TBC1D24: variants seen among roughly 807,000 people sequenced by gnomAD.
TBC1D24 encodes Infantile myoclonic epilepsy.
In TBC1D24, 47 loss-of-function variants were observed where a neutral mutation model predicts 50.7. That is an observed-to-expected ratio of 0.93 (90% confidence interval 0.73 to 1.18). The LOEUF is 1.18. Ranked by LOEUF, TBC1D24 falls within the 50% of genes most tolerant of loss-of-function variation. The pLI is 0.00. For missense variants in TBC1D24, 688 were observed against 766.5 expected (o/e 0.90, Z 1.21); for synonymous variants, 324 against 335.2 (o/e 0.97, Z 0.36).
intron 1 of TBC1D24, among the ~76,000 whole-genome samples, chr16:2,492,877 G>C (rs527530170): frequency 6.6e-6 from 1 of 152,186 alleles, no homozygotes; most frequent in East Asian, 2.0e-4. Context: ...CGGATCACCT[G>C]AGGTCGGGAG....
rs1223213353 is a variant in TBC1D24 at position 2,485,803 on chromosome 16, C to T, written c.-115-10231C>T. Among the ~76,000 whole-genome samples the T allele has an allele frequency of 6.6e-6, 1 of 152,198 alleles. No homozygotes were observed. The highest frequency in any genetic ancestry group is 6.5e-5 in the Admixed American group (1 of 15,282). On this transcript the variant is annotated intron_variant, in intron 1 of 7. Coordinates refer to ENST00000646147, the MANE Select transcript of TBC1D24 (RefSeq NM_001199107.2). The surrounding 1 kb of genome is among the most constrained non-coding windows in gnomAD (Gnocchi z 4.6). ...TGGGTCGCAGATCCTGTGCCGATTG[C>T]GGTGCTGGCGTCAGAGCAGAGGAAA...
Position 2,483,339 on chromosome 16 carries a change from C to G in TBC1D24, c.-116+8169C>G, listed in dbSNP as rs2065624007. The G allele has an allele frequency of 2.0e-5, 3 of 152,268 alleles. No individual in the cohort carries two copies. Among genetic ancestry groups the G allele is most frequent in the African/African-American group, 7.2e-5 (3 of 41,438 alleles). 9.4% of individuals were successfully genotyped at this position (152,268 alleles called of 1,614,324 possible). On this transcript the variant is annotated intron_variant, in intron 1 of 7. Transcript: ENST00000646147. This position sits in a 1 kb window ranked among gnomAD's most constrained non-coding sequence, Gnocchi z 4.0. ...CTCGGCCGTTCTCGTGCCTCGGGCT[C>G]ACTTCCTCGTGCAGTTTATCCATAT...
Position 2,500,283 on chromosome 16 carries a change from C to T in TBC1D24, c.1318C>T (p.Gln440Ter). 1 of 1,606,942 alleles carries T rather than the reference C, an allele frequency of 6.2e-7. No individual in the cohort carries two copies. Among genetic ancestry groups the T allele is most frequent in the South Asian group, 1.1e-5 (1 of 89,590 alleles). The change falls in exon 7 of 8, where the codon CAG (glutamine) becomes TAG (stop). Residue 440 changes from glutamine (Q) to a stop codon, truncating the protein, a stop_gained. Transcript: ENST00000646147. LOFTEE classifies it high-confidence loss of function. The surrounding 1 kb of genome is among the most constrained non-coding windows in gnomAD (Gnocchi z 8.0). Reference sequence around the variant, plus strand: ...TCCACCCCAGCTGCAGCCTGAGGTGCAGCGCTACGAGTGGGTGGTGATCAA... The same window carrying T: ...TCCACCCCAGCTGCAGCCTGAGGTGTAGCGCTACGAGTGGGTGGTGATCAA... ...CFVFRLQPEVQRYEWVVIKHP... is the reference protein window; with the variant it reads ...CFVFRLQPEV
chr16:2,487,461 A>G lies in TBC1D24; in HGVS notation c.-115-8573A>G, dbSNP rs1037096697. On this transcript the variant is annotated intron_variant, in intron 1 of 7. Transcript: ENST00000646147. The surrounding 1 kb of genome is among the most constrained non-coding windows in gnomAD (Gnocchi z 4.1). ...TGTTGGCCGTGTTAAAATGTCATCA[A>G]TGAGGCTAAATGTGTGTTCTGTCTT... is the stretch of plus-strand genomic sequence containing the variant. Among the ~76,000 whole-genome samples, 2 of 152,226 alleles carry G rather than the reference A, an allele frequency of 1.3e-5. No individual in the cohort carries two copies. Among genetic ancestry groups the G allele is most frequent in the African/African-American group, 2.4e-5 (1 of 41,454 alleles).
intron 1 of TBC1D24, among the ~76,000 whole-genome samples, chr16:2,488,493 CTTTTTTTTT>C (rs34983305): frequency 9.9e-6 from 1 of 100,722 alleles, no homozygotes; most frequent in Non-Finnish European, 2.0e-5. Flanking sequence ...TCGCACATAG[CTTTTTTTTT>C]TTTTTTTTTT....
At position 2,497,216 on chromosome 16, in the gene TBC1D24, C is replaced by T. The variant is rs576147085; in HGVS notation, c.965+103C>T. The stretch of plus-strand genomic sequence containing the variant: ...TGCCGGCCTCCAGGCGGCCTCTGCC[C>T]ATGGTCCACCCAGCCATCTGTGCAT... On this transcript the variant is annotated intron_variant, in intron 2 of 7. Transcript: ENST00000646147. 1.5e-4 allele frequency: 227 copies of T among 1,470,020 alleles called. 4 individuals are homozygous for T. The South Asian group carries it at 2.4e-3, about 15-fold the overall frequency. The allele number at this position is 1,470,020 out of a possible 1,614,324, so 91.1% of individuals were successfully genotyped here.
In TBC1D24 at chr16:2,482,355, G is replaced by A. The variant is rs1205701370; in HGVS notation, c.-116+7185G>A. 6.6e-6 allele frequency among the ~76,000 whole-genome samples: 1 copy of A among 152,200 alleles called. No individual in the cohort carries two copies. Among genetic ancestry groups the A allele is most frequent in the Non-Finnish European group, 1.5e-5 (1 of 68,048 alleles). On this transcript the variant is annotated intron_variant, in intron 1 of 7. Transcript: ENST00000646147. The surrounding 1 kb of genome is among the most constrained non-coding windows in gnomAD (Gnocchi z 5.2). ...GCAAGGGTGAGGACAGATGTGGACA[G>A]GAGGCGTGGAGCTCTGTGACGCCTT...
rs1483630947 is a variant in TBC1D24 at position 2,505,604 on chromosome 16, T to A, written c.*4646T>A. 6.6e-6 allele frequency: 1 copy of A among 152,202 alleles called. No homozygotes were observed. Among genetic ancestry groups the A allele is most frequent in the Non-Finnish European group, 1.5e-5 (1 of 68,030 alleles). The allele number at this position is 152,202 out of a possible 1,614,324, so 9.4% of individuals were successfully genotyped here. A position where few individuals can be genotyped will look rare whatever the true frequency, so the allele number is the denominator to read the frequency against. On this transcript the variant is annotated 3_prime_UTR_variant, in exon 8 of 8. Coordinates refer to ENST00000646147, the MANE Select transcript of TBC1D24 (RefSeq NM_001199107.2). ...CTCTCAATGAATGTAATAAAAAAAA[T>A]GTGTAGTGAGCACAAATGTATGGAT...
In TBC1D24 at chr16:2,492,820, C is replaced by T. The variant is rs570874613; in HGVS notation, c.-115-3214C>T. On this transcript the variant is annotated intron_variant, in intron 1 of 7. Coordinates refer to ENST00000646147, the MANE Select transcript of TBC1D24 (RefSeq NM_001199107.2). Reference sequence around the variant, plus strand: ...CAGTGGGATACATTAAAATCAACTTCGGTGGCTCACGCTTCTAATCTCAGC... The same window carrying T: ...CAGTGGGATACATTAAAATCAACTTTGGTGGCTCACGCTTCTAATCTCAGC... Among the ~76,000 whole-genome samples, 62 of 152,248 alleles carry T rather than the reference C, an allele frequency of 4.1e-4. 1 individual carries two copies. In the South Asian group the frequency reaches 0.013, roughly 31 times the overall value.
intron 1 of TBC1D24, among the ~76,000 whole-genome samples, chr16:2,489,469 C>T (rs781002918): frequency 4.6e-5 from 7 of 152,210 alleles, no homozygotes; most frequent in East Asian, 1.9e-4. Flanking sequence ...AATAAACGAG[C>T]GAACAAATGA....
Position 2,496,374 on chromosome 16 carries a change from GACATCGTGGGCA to G in TBC1D24, c.228_239del (p.Asp76_Lys80delinsGlu). The G allele has an allele frequency of 1.9e-6, 3 of 1,613,360 alleles. No homozygotes were observed. The highest frequency in any genetic ancestry group is 2.5e-6 in the Non-Finnish European group (3 of 1,180,000). Reference sequence around the variant, plus strand: ...CACGCCTGACGCCAGCGTGTACAGCGACATCGTGGGCAAGATCGTGGGCAAGCACAGCAGCAG... The same window carrying G: ...CACGCCTGACGCCAGCGTGTACAGCGAGATCGTGGGCAAGCACAGCAGCAG... On this transcript the variant is annotated inframe_deletion, in exon 2 of 8. Coordinates refer to ENST00000646147, the MANE Select transcript of TBC1D24 (RefSeq NM_001199107.2).
intron 1 of TBC1D24, chr16:2,480,284 C>G (rs1187474380): frequency 6.6e-6 from 1 of 152,086 alleles, no homozygotes; most frequent in Non-Finnish European, 1.5e-5. Context: ...GTTCTTGCCA[C>G]CACACCTTCC....
rs2065654976 is a variant in TBC1D24, at chr16:2,486,889, C to A, written c.-115-9145C>A. ...AGGCCACGGTCCTGTGGGATCCAAC[C>A]CTGAGCCATCTCTGGGGGTCCCCTC... is the stretch of plus-strand genomic sequence containing the variant. On this transcript the variant is annotated intron_variant, in intron 1 of 7. Coordinates refer to ENST00000646147, the MANE Select transcript of TBC1D24 (RefSeq NM_001199107.2). The surrounding 1 kb of genome is among the most constrained non-coding windows in gnomAD (Gnocchi z 5.8). Among the ~76,000 whole-genome samples, 1 of 152,224 alleles carries A rather than the reference C, an allele frequency of 6.6e-6. No individual in the cohort carries two copies.
rs1489345787 is a variant in TBC1D24, at chr16:2,500,535, G to C, written c.1525+45G>C. On this transcript the variant is annotated intron_variant, in intron 7 of 7. Transcript: ENST00000646147. The surrounding 1 kb of genome is among the most constrained non-coding windows in gnomAD (Gnocchi z 8.0). ...GCTCTGGGATGAGGGTGTGGGGTCC[G>C]GGCAGCTGAAGCTGCTGCACCCAGC... 2.6e-6 allele frequency: 4 copies of C among 1,523,818 alleles called. No homozygotes were observed. Among genetic ancestry groups the C allele is most frequent in the East Asian group, 2.5e-5 (1 of 40,746 alleles). 94.4% of individuals were successfully genotyped at this position (1,523,818 alleles called of 1,614,324 possible).
At position 2,505,497 on chromosome 16, in the gene TBC1D24, G is replaced by T. The variant is rs759014237; in HGVS notation, c.*4539G>T. On this transcript the variant is annotated 3_prime_UTR_variant, in exon 8 of 8. Coordinates refer to ENST00000646147, the MANE Select transcript of TBC1D24 (RefSeq NM_001199107.2). ...TAAGGATAGAAGGGAAAAAATAGTTGTGTGAATGATTTTACCTCTTAGTTC... is the reference window on the plus strand; with the variant it reads ...TAAGGATAGAAGGGAAAAAATAGTTTTGTGAATGATTTTACCTCTTAGTTC... The T allele has an allele frequency of 6.6e-6, 1 of 152,192 alleles. No individual in the cohort carries two copies. Among genetic ancestry groups the T allele is most frequent in the Non-Finnish European group, 1.5e-5 (1 of 68,036 alleles). The allele number at this position is 152,192 out of a possible 1,614,324, so 9.4% of individuals were successfully genotyped here. A position where few individuals can be genotyped will look rare whatever the true frequency, so the allele number is the denominator to read the frequency against.
At chr16:2,494,850 A>G (rs957670150) in intron 1 of TBC1D24, among the ~76,000 whole-genome samples, 6 of 152,150 alleles carry the variant, frequency 3.9e-5, no homozygotes, top group African/African-American at 1.2e-4. Context: ...AAAGTCACTT[A>G]TCTTAAGTGG....
intron 1 of TBC1D24, chr16:2,481,857 C>G (rs376700663): frequency 6.6e-6 from 1 of 152,266 alleles, no homozygotes; most frequent in African/African-American, 2.4e-5. Flanking sequence ...GCGGGCCAAC[C>G]GGCCCATGGT....
chr16:2,486,352 AG>A lies in TBC1D24; in HGVS notation c.-115-9679del, dbSNP rs1407369070. Among the ~76,000 whole-genome samples, 3 of 152,174 alleles carry A rather than the reference AG, an allele frequency of 2.0e-5. No homozygotes were observed. Among genetic ancestry groups the A allele is most frequent in the Non-Finnish European group, 2.9e-5 (2 of 68,036 alleles). On this transcript the variant is annotated intron_variant, in intron 1 of 7. Transcript: ENST00000646147. The surrounding 1 kb of genome is among the most constrained non-coding windows in gnomAD (Gnocchi z 5.8). Reference sequence around the variant, plus strand: ...CCGGTCCCACTCCCAGGAAATGGTGAGGGATTGCTCAGACCAGATGGGAAGA... The same window carrying A: ...CCGGTCCCACTCCCAGGAAATGGTGAGGATTGCTCAGACCAGATGGGAAGA...
At position 2,499,569 on chromosome 16, in the gene TBC1D24, C is replaced by G; in HGVS notation, c.1206+149C>G. 2.5e-6 allele frequency: 2 copies of G among 784,646 alleles called. No individual in the cohort carries two copies. The highest frequency in any genetic ancestry group is 4.4e-6 in the Non-Finnish European group (2 of 459,706). 48.6% of individuals were successfully genotyped at this position (784,646 alleles called of 1,614,324 possible). A position where few individuals can be genotyped will look rare whatever the true frequency, so the allele number is the denominator to read the frequency against. On this transcript the variant is annotated intron_variant, in intron 5 of 7. Transcript: ENST00000646147. The surrounding 1 kb of genome is among the most constrained non-coding windows in gnomAD (Gnocchi z 4.0). Reference sequence around the variant, plus strand: ...GCGTGGGTATGGCCAGCACATGGGGCTCATCCCACACTCAGGGCCACAAGG... The same window carrying G: ...GCGTGGGTATGGCCAGCACATGGGGGTCATCCCACACTCAGGGCCACAAGG...
Sources: gnomAD v4.1 joint callset for allele counts (sites outside exome capture counted in the v4.1 genomes callset) on GRCh38, gnomAD v4.1.1 for gene constraint, Gnocchi (gnomAD v3.1) non-coding constraint, MANE v1.5 for transcripts, NCBI Gene and HGNC (gene_info 2026-07-23, HGNC 2026-07-21) for gene names.